MOK: variants seen among roughly 807,000 people sequenced by gnomAD.
The protein encoded by MOK is MOK protein kinase, also known as MAPK/MAK/MRK overlapping kinase.
In MOK, 59 loss-of-function variants were observed where a neutral mutation model predicts 54.2. The observed-to-expected ratio is 1.09, with a 90% CI of 0.88 to 1.35. The LOEUF is 1.35. Ranked by LOEUF, MOK falls within the 40% of genes most tolerant of loss-of-function variation. The pLI, the probability that MOK is intolerant of heterozygous loss-of-function variation, is 0.00. For synonymous variants in MOK, 210 were observed against 202.7 expected, an observed-to-expected ratio of 1.04 and a Z score of -0.31; for missense variants, 517 against 526.2, an observed-to-expected ratio of 0.98 and a Z score of 0.17.
intron 7 of MOK, among the ~76,000 whole-genome samples, chr14:102,239,751 C>T (rs1436338335): frequency 2.6e-5 from 4 of 152,178 alleles, no homozygotes; most frequent in Non-Finnish European, 5.9e-5. Context: ...CACCTGTAGT[C>T]CCAGCTACTC....
At chr14:102,250,786 C>T in intron 7 of MOK, 26 bp downstream of exon 7, 1 of 1,604,208 alleles carries the variant, frequency 6.2e-7, no homozygotes, top group Non-Finnish European at 8.5e-7. Flanking sequence ...CCGCAGGAAC[C>T]AGGCAGGAGC....
At chr14:102,297,453 C>G (rs1180070892) in intron 1 of MOK, among the ~76,000 whole-genome samples, 1 of 152,186 alleles carries the variant, frequency 6.6e-6, no homozygotes, top group African/African-American at 2.4e-5. Context: ...TTTGAGGTAC[C>G]TTTTTTGATT....
downstream of MOK, chr14:102,226,540 G>A (rs1597208386): frequency 1.2e-5 from 8 of 680,348 alleles, no homozygotes; most frequent in Non-Finnish European, 2.1e-5. The surrounding 1 kb of genome is among the most constrained non-coding windows in gnomAD (Gnocchi z 4.8). Flanking sequence ...AGGGCAAGGT[G>A]GCCTCCTATG....
downstream of MOK, among the ~76,000 whole-genome samples, chr14:102,224,127 C>T (rs928648511): frequency 3.3e-5 from 5 of 150,690 alleles, no homozygotes; most frequent in East Asian, 1.9e-4. Flanking sequence ...CTGCAAGCTC[C>T]GCCTCCCGGG....
rs907409486 is a variant in MOK at position 102,229,020 on chromosome 14, C to A, written c.*269G>T. ...TTGTTTTGATTCATATACAAAGTTA[C>A]AAAGTATTTCCTGCCCCAAATTCTT... On this transcript the variant is annotated 3_prime_UTR_variant, in exon 12 of 12. Coordinates refer to ENST00000361847, the MANE Select transcript of MOK (RefSeq NM_014226.3). 1.2e-4 allele frequency: 57 copies of A among 486,224 alleles called. No homozygotes were observed. Among genetic ancestry groups the A allele is most frequent in the Non-Finnish European group, 1.8e-4 (51 of 277,886 alleles). 30.1% of individuals were successfully genotyped at this position (486,224 alleles called of 1,614,324 possible). A position where few individuals can be genotyped will look rare whatever the true frequency, so the allele number is the denominator to read the frequency against.
rs190817595 is a variant in MOK at position 102,265,911 on chromosome 14, T to C, written c.124A>G (p.Ile42Val). Residue 42 changes from isoleucine to valine, a missense_variant and splice_region_variant, in exon 3 of 12, where the codon ATT (isoleucine) becomes GTT (valine). Coordinates refer to ENST00000361847, the MANE Select transcript of MOK (RefSeq NM_014226.3). ...TCTCGTAGGTTGTTGACTTGCTCAA[T>C]ACTATCGTGTAGGTAAAAATGGATA... ...CKQMKQRFES[I>V]EQVNNLREIQ... 5.0e-6 allele frequency: 8 copies of C among 1,610,806 alleles called. No homozygotes were observed. The highest frequency in any genetic ancestry group is 1.7e-5 in the Admixed American group (1 of 59,890).
rs141338979 is a variant in MOK at position 102,290,432 on chromosome 14, C to G, written c.8-6840G>C. 9.3e-3 allele frequency among the ~76,000 whole-genome samples: 1,411 copies of G among 151,348 alleles called. 35 individuals are homozygous for G. The highest frequency in any genetic ancestry group is 0.032 in the African/African-American group (1,328 of 41,262). ...TCCAGCCTGGGCAACAAGAGCAAAA[C>G]TCAGTCTCAAAAAAAAAAGAGAGAA... On this transcript the variant is annotated intron_variant, in intron 1 of 11. Transcript: ENST00000361847.
At chr14:102,218,570 C>A in the MOK span, among the ~76,000 whole-genome samples, 2 of 152,318 alleles carry the variant, frequency 1.3e-5, no homozygotes, top group Admixed American at 1.3e-4. Flanking sequence ...CATATATATT[C>A]TGGTGCAACA....
chr14:102,291,425 T>C (rs551818029), intron 1 of MOK, among the ~76,000 whole-genome samples: 31 of 152,192 alleles, frequency 2.0e-4, no homozygotes, highest in African/African-American at 6.8e-4. Context: ...CTTGAAACTT[T>C]GTGGGAAAAT....
At chr14:102,277,458 AAATAT>A (rs1346457344) in intron 2 of MOK, 1 of 152,018 alleles carries the variant, frequency 6.6e-6, no homozygotes, top group African/African-American at 2.4e-5. Flanking sequence ...TCACTACTAA[AAATAT>A]AACAATTAGC....
intron 4 of MOK, among the ~76,000 whole-genome samples, chr14:102,254,464 T>G (rs752640552): frequency 5.3e-5 from 8 of 152,172 alleles, no homozygotes; most frequent in Non-Finnish European, 1.0e-4. Flanking sequence ...GAAAGCAACT[T>G]TCCATTTGCC....
chr14:102,228,328 G>C (rs1050798929), downstream of MOK, among the ~76,000 whole-genome samples: 4 of 152,206 alleles, frequency 2.6e-5, no homozygotes, highest in African/African-American at 7.2e-5. Flanking sequence ...CGCCAGGCTG[G>C]TCACTGAGGA....
chr14:102,246,517 A>G (rs140759734), intron 7 of MOK, among the ~76,000 whole-genome samples: 2 of 152,094 alleles, frequency 1.3e-5, no homozygotes, highest in Non-Finnish European at 2.9e-5. Context: ...AAAAACTCCA[A>G]TTCCTCTCTG....
chr14:102,296,746 C>A (rs1271024075), intron 1 of MOK, among the ~76,000 whole-genome samples: 2 of 151,834 alleles, frequency 1.3e-5, no homozygotes, highest in African/African-American at 4.8e-5. Flanking sequence ...ATGGTGAGAC[C>A]CTCATCTCTA....
chr14:102,222,915 G>T (rs1298767808), downstream of MOK: 1 of 1,613,682 alleles, frequency 6.2e-7, no homozygotes. This position sits in a 1 kb window ranked among gnomAD's most constrained non-coding sequence, Gnocchi z 4.4. Flanking sequence ...AGTCTCCCGG[G>T]ACTTGGACTC....
At chr14:102,286,512 G>A (rs2070117171) in intron 1 of MOK, among the ~76,000 whole-genome samples, 1 of 151,858 alleles carries the variant, frequency 6.6e-6, no homozygotes, top group Non-Finnish European at 1.5e-5. Flanking sequence ...TCAGGAGGCT[G>A]AAGTGGGAGA....
chr14:102,286,624 T>A (rs1275198802), intron 1 of MOK, among the ~76,000 whole-genome samples: 1 of 151,644 alleles, frequency 6.6e-6, no homozygotes, highest in Non-Finnish European at 1.5e-5. Context: ...GAAAAAAAAA[T>A]AACTTGCTCA....
chr14:102,271,666 C>T (rs2068379498), intron 2 of MOK, among the ~76,000 whole-genome samples: 1 of 151,972 alleles, frequency 6.6e-6, no homozygotes, highest in Non-Finnish European at 1.5e-5. Flanking sequence ...TCAAGCCATA[C>T]TTGTGCCTCA....
At chr14:102,217,610 G>A in the MOK span, among the ~76,000 whole-genome samples, 1 of 152,164 alleles carries the variant, frequency 6.6e-6, no homozygotes, top group Non-Finnish European at 1.5e-5. Flanking sequence ...TCCCTGGGCT[G>A]GGCCCAGGGT....
Sources: allele counts gnomAD v4.1 joint callset (sites outside exome capture counted in the v4.1 genomes callset), GRCh38; gene constraint gnomAD v4.1.1; non-coding constraint Gnocchi (gnomAD v3.1); transcripts MANE v1.5; gene names NCBI Gene and HGNC (gene_info 2026-07-23, HGNC 2026-07-21).